Variants in FOXP2 observed in about 807,000 individuals in gnomAD.
FOXP2 encodes forkhead box P2.
In FOXP2, 12 loss-of-function variants were observed where a neutral mutation model predicts 115.8. The ratio of observed to expected loss-of-function variants is 0.10; its 90% confidence interval spans 0.07 to 0.17. FOXP2 has a LOEUF of 0.17. FOXP2 is among the 10% of genes least tolerant of loss of function. FOXP2 has a pLI of 1.00. For missense variants in FOXP2, 629 were observed against 843.5 expected (o/e 0.75, Z 3.15); for synonymous variants, 328 against 297.7 (o/e 1.10, Z -1.05).
intron 2 of FOXP2, among the ~76,000 whole-genome samples, chr7:114,335,247 G>A (rs913912860): frequency 1.3e-5 from 2 of 151,452 alleles, no homozygotes; most frequent in African/African-American, 4.8e-5. Flanking sequence ...TATTAAGAAT[G>A]GGGTATAATG....
chr7:114,508,622 A>T (rs1340936155), intron 2 of FOXP2, among the ~76,000 whole-genome samples: 1 of 151,686 alleles, frequency 6.6e-6, no homozygotes, highest in Non-Finnish European at 1.5e-5. Context: ...CCCCATCCTC[A>T]CTTTTGACCT....
At chr7:114,532,178 A>G (rs1799172105) in intron 2 of FOXP2, among the ~76,000 whole-genome samples, 1 of 151,962 alleles carries the variant, frequency 6.6e-6, no homozygotes, top group African/African-American at 2.4e-5. Context: ...GGATGTTACA[A>G]AAGTTTAGAG....
At chr7:114,545,393 C>A (rs1411284847) in intron 3 of FOXP2, among the ~76,000 whole-genome samples, 2 of 152,094 alleles carry the variant, frequency 1.3e-5, no homozygotes, top group African/African-American at 4.8e-5. Flanking sequence ...CTCTGATCAG[C>A]CTTTTCAGGA....
At chr7:114,205,314 T>G (rs1439509867) in intron 1 of FOXP2, among the ~76,000 whole-genome samples, 1 of 152,134 alleles carries the variant, frequency 6.6e-6, no homozygotes, top group Non-Finnish European at 1.5e-5. Flanking sequence ...GAAGATCCTT[T>G]AGCCCAGTGT....
At chr7:114,546,643 T>C (rs899362445) in intron 3 of FOXP2, among the ~76,000 whole-genome samples, 4 of 152,092 alleles carry the variant, frequency 2.6e-5, no homozygotes, top group African/African-American at 9.7e-5. Context: ...TTGAGGCCCC[T>C]AATCCCTGGA....
At chr7:114,156,862 T>C (rs964851003) in intron 1 of FOXP2, among the ~76,000 whole-genome samples, 1 of 152,130 alleles carries the variant, frequency 6.6e-6, no homozygotes, top group Non-Finnish European at 1.5e-5. Flanking sequence ...TGAAAAACAA[T>C]CTTAAATTTT....
intron 2 of FOXP2, among the ~76,000 whole-genome samples, chr7:114,495,010 A>C (rs979465278): frequency 6.6e-6 from 1 of 152,192 alleles, no homozygotes; most frequent in African/African-American, 2.4e-5. Context: ...CATTCTTATG[A>C]AGTTCTTTGT....
At chr7:114,628,907 A>G (rs1804741402) in intron 4 of FOXP2, 1 of 518,312 alleles carries the variant, frequency 1.9e-6, no homozygotes, top group East Asian at 3.7e-5. Flanking sequence ...GAGAGGTGTA[A>G]TTTGAAAATG....
At chr7:114,255,235 G>A (rs571071459) in intron 1 of FOXP2, among the ~76,000 whole-genome samples, 2 of 152,328 alleles carry the variant, frequency 1.3e-5, no homozygotes, top group East Asian at 3.9e-4. Context: ...CTAGTCGGGG[G>A]TCAGGGACCC....
intron 2 of FOXP2, among the ~76,000 whole-genome samples, chr7:114,519,882 G>A (rs77539282): frequency 0.017 from 2,650 of 152,050 alleles, 72 homozygotes; most frequent in African/African-American, 0.057. Context: ...AATTTTATCC[G>A]TCTTTTTATA....
intron 2 of FOXP2, among the ~76,000 whole-genome samples, chr7:114,344,487 TATTAGGGCACTGTG>T (rs1791292524): frequency 6.6e-6 from 1 of 151,794 alleles, no homozygotes; most frequent in Non-Finnish European, 1.5e-5. Flanking sequence ...TTCCACATTG[TATTAGGGCACTGTG>T]GACTATTTCG....
chr7:114,287,573 T>C (rs971069081), intron 1 of FOXP2, among the ~76,000 whole-genome samples: 2 of 152,030 alleles, frequency 1.3e-5, no homozygotes, highest in African/African-American at 4.8e-5. Context: ...AAATGCTTAC[T>C]ACCAATTTGT....
chr7:114,234,515 A>C (rs891300860), intron 1 of FOXP2, among the ~76,000 whole-genome samples: 2 of 152,248 alleles, frequency 1.3e-5, no homozygotes, highest in Non-Finnish European at 2.9e-5. Context: ...GTAAACTGCA[A>C]ATCAATAGCA....
rs755773433 is a variant in FOXP2, at chr7:114,693,762, C to T, written c.*3836C>T. The T allele has an allele frequency of 5.1e-5, 16 of 316,704 alleles. No homozygotes were observed. The highest frequency in any genetic ancestry group is 3.0e-4 in the South Asian group (11 of 36,512). The allele number at this position is 316,704 out of a possible 1,614,324, so 19.6% of individuals were successfully genotyped here. On this transcript the variant is annotated 3_prime_UTR_variant, in exon 17 of 17. Transcript: ENST00000350908. ...AATAAAAAAATCTAATTCTTTTTGACCCATTTATAACCAATAGGATTTTAT... is the reference window on the plus strand; with the variant it reads ...AATAAAAAAATCTAATTCTTTTTGATCCATTTATAACCAATAGGATTTTAT...
At chr7:114,529,199 C>T (rs376719755) in intron 2 of FOXP2, among the ~76,000 whole-genome samples, 7 of 151,706 alleles carry the variant, frequency 4.6e-5, no homozygotes, top group South Asian at 2.1e-4. Context: ...CATTCTACAG[C>T]TGAAAAAAAC....
chr7:114,354,938 G>A (rs1475035387), intron 2 of FOXP2, among the ~76,000 whole-genome samples: 10 of 152,058 alleles, frequency 6.6e-5, no homozygotes, highest in Admixed American at 6.6e-4. Context: ...AAATAAACGA[G>A]CATTGCTATT....
chr7:114,149,262 C>A (rs990232246), intron 1 of FOXP2, among the ~76,000 whole-genome samples: 7 of 151,878 alleles, frequency 4.6e-5, no homozygotes, highest in African/African-American at 1.7e-4. Flanking sequence ...TTGTTTGAGT[C>A]CTACTCTTTT....
rs957895159 is a variant in FOXP2, at chr7:114,505,115, C to CT, written c.169-29495dup. ...CCATTTTCCTTTGTTGTCTCTGTTT[C>CT]TTTTTTTGGAATAAAACCTCACTAA... On this transcript the variant is annotated intron_variant, in intron 2 of 16. Coordinates refer to ENST00000350908, the MANE Select transcript of FOXP2 (RefSeq NM_014491.4). Among the ~76,000 whole-genome samples, 7 of 151,380 alleles carry CT rather than the reference C, an allele frequency of 4.6e-5. No individual in the cohort carries two copies. In the East Asian group the frequency reaches 7.7e-4, roughly 17 times the overall value.
chr7:114,182,019 AT>A, intron 1 of FOXP2, among the ~76,000 whole-genome samples: 1 of 152,016 alleles, frequency 6.6e-6, no homozygotes, highest in East Asian at 1.9e-4. Flanking sequence ...TATCATATAC[AT>A]TTTTCATATA....
Sources: gnomAD v4.1 joint callset for allele counts (sites outside exome capture counted in the v4.1 genomes callset) on GRCh38, gnomAD v4.1.1 for gene constraint, MANE v1.5 for transcripts, NCBI Gene and HGNC (gene_info 2026-07-23, HGNC 2026-07-21) for gene names.